Variants in EXD1 observed in about 807,000 individuals in gnomAD.
EXD1 encodes piRNA biogenesis protein EXD1.
A neutral mutation model predicts 49.1 loss-of-function variants in EXD1; 63 were observed. That is an observed-to-expected ratio of 1.28 (90% CI 1.05 to 1.58). The LOEUF (loss-of-function observed/expected upper bound fraction) is 1.58. Among genes scored for constraint, EXD1 ranks in the 40% most tolerant of loss-of-function variants. EXD1 has a pLI of 0.00. For missense variants in EXD1, 748 were observed against 666.0 expected (o/e 1.12, Z -1.36); for synonymous variants, 234 against 239.2 (o/e 0.98, Z 0.20).
At position 41,199,748 on chromosome 15, in the gene EXD1, T is replaced by G. The variant is rs375971408; in HGVS notation, c.535-3711A>C. Among the ~76,000 whole-genome samples, 10 of 10,836 alleles carry G rather than the reference T, an allele frequency of 9.2e-4. 2 individuals carry two copies. The highest frequency in any genetic ancestry group is 1.4e-3 in the Admixed American group (1 of 738). 7.1% of individuals were successfully genotyped at this position (10,836 alleles called of 152,430 possible). On this transcript the variant is annotated intron_variant, in intron 7 of 11. Transcript: ENST00000458580. ...TATATATGATATATATGTCATATAT[T>G]ATATATGATACATATATGATATATA...
rs1269283662 is a variant in EXD1, at chr15:41,184,179, G to C, written c.1471C>G (p.Pro491Ala). The change falls in exon 12 of 12, where the codon CCC becomes GCC. Residue 491 changes from proline (P) to alanine (A), a missense_variant. Coordinates refer to ENST00000458580, the MANE Select transcript of EXD1 (RefSeq NM_001286441.2). ...RITQKEHFMT[P>A]KHEFQASLSL... ...AAACTTGCCTGAAACTCATGTTTGGGTGTCATAAAGTGTTCTTTCTGAGTT... is the reference window on the plus strand; with the variant it reads ...AAACTTGCCTGAAACTCATGTTTGGCTGTCATAAAGTGTTCTTTCTGAGTT... 6.2e-7 allele frequency: 1 copy of C among 1,614,052 alleles called. No homozygotes were observed. The highest frequency in any genetic ancestry group is 2.2e-5 in the East Asian group (1 of 44,900).
intron 7 of EXD1, among the ~76,000 whole-genome samples, chr15:41,203,979 C>A (rs912949179): frequency 2.7e-4 from 39 of 142,144 alleles, no homozygotes; most frequent in African/African-American, 1.0e-3. Flanking sequence ...GGTGCGGTGG[C>A]TCACACCTGT....
At chr15:41,196,179 C>T in intron 7 of EXD1, 142 bp from the exon 8 acceptor site, 1 of 678,834 alleles carries the variant, frequency 1.5e-6, no homozygotes, top group Non-Finnish European at 2.4e-6. Context: ...CAAAGTTTCA[C>T]TCTGTTGCCC....
At chr15:41,224,366 T>C (rs770739917) in intron 2 of EXD1, among the ~76,000 whole-genome samples, 5 of 152,196 alleles carry the variant, frequency 3.3e-5, no homozygotes, top group Non-Finnish European at 2.9e-5. Flanking sequence ...CAGAAACCTG[T>C]TACAATCCCA....
Position 41,229,838 on chromosome 15 carries a change from C to T in EXD1, c.-54+641G>A, listed in dbSNP as rs761204966. 4.6e-5 allele frequency among the ~76,000 whole-genome samples: 7 copies of T among 152,134 alleles called. No homozygotes were observed. In the East Asian group the frequency reaches 5.8e-4, roughly 13 times the overall value. The stretch of plus-strand genomic sequence containing the variant: ...AACTAGAACCTCAGCTTGCAGGGAA[C>T]GTGTGGGGCCTCAGGCTAAGCTGTA... On this transcript the variant is annotated intron_variant, in intron 1 of 11. Coordinates refer to ENST00000458580, the MANE Select transcript of EXD1 (RefSeq NM_001286441.2).
At chr15:41,227,874 ACC>A (rs1235351772) in intron 1 of EXD1, among the ~76,000 whole-genome samples, 1 of 151,972 alleles carries the variant, frequency 6.6e-6, no homozygotes, top group African/African-American at 2.4e-5. Context: ...ACATGGTGAA[ACC>A]CCGTCTCTAC....
In EXD1 at chr15:41,189,935, A is replaced by G; in HGVS notation, c.1056+2T>C. The stretch of plus-strand genomic sequence containing the variant: ...GTCCTGAAGACAGAGAGCTGCACCT[A>G]CCTCAGTGCCTCCAAGCCGGTCTGC... On this transcript the variant is annotated splice_donor_variant, in intron 11 of 11. Transcript: ENST00000458580. LOFTEE classifies it high-confidence loss of function. The G allele has an allele frequency of 1.2e-6, 2 of 1,613,440 alleles. No individual in the cohort carries two copies. The highest frequency in any genetic ancestry group is 1.7e-6 in the Non-Finnish European group (2 of 1,179,628).
At position 41,184,023 on chromosome 15, in the gene EXD1, G is replaced by C. The variant is rs748056334; in HGVS notation, c.1627C>G (p.Pro543Ala). The part of the protein sequence containing the change: ...TRVSPSDTFY[P>A]IRKTVVSTLP... The stretch of plus-strand genomic sequence containing the variant: ...GTGGAAACCACAGTCTTTCTGATAG[G>C]ATAAAAAGTGTCACTTGGAGACACT... The change falls in exon 12 of 12, where the codon CCT becomes GCT. Residue 543 changes from proline to alanine, a missense_variant. Physicochemically the swap from Pro to Ala is conservative, Grantham distance 27 (BLOSUM62 -1). Transcript: ENST00000458580. 7 of 1,614,160 alleles carry C rather than the reference G, an allele frequency of 4.3e-6. No homozygotes were observed. The South Asian group carries it at 6.6e-5, about 15-fold the overall frequency.
chr15:41,206,870 G>T (rs113833062), intron 7 of EXD1, among the ~76,000 whole-genome samples: 37,314 of 134,418 alleles, frequency 0.28, 6,812 homozygotes, highest in African/African-American at 0.52. Flanking sequence ...TCTGCCCACC[G>T]TAGCCTCCCA....
At chr15:41,229,305 C>T (rs2047203563) in intron 1 of EXD1, among the ~76,000 whole-genome samples, 1 of 152,170 alleles carries the variant, frequency 6.6e-6, no homozygotes, top group Non-Finnish European at 1.5e-5. Flanking sequence ...TGGTGAAACC[C>T]TGTCTCTACT....
At chr15:41,220,591 G>T (rs2047073246) in intron 2 of EXD1, among the ~76,000 whole-genome samples, 1 of 151,942 alleles carries the variant, frequency 6.6e-6, no homozygotes, top group Non-Finnish European at 1.5e-5. Context: ...TCCACACCCT[G>T]CTTCATGTTA....
At chr15:41,201,034 C>T (rs1171818845) in intron 7 of EXD1, among the ~76,000 whole-genome samples, 6 of 151,858 alleles carry the variant, frequency 4.0e-5, no homozygotes, top group Admixed American at 6.6e-5. Flanking sequence ...CCACCACACC[C>T]GGCTAATTTT....
intron 2 of EXD1, among the ~76,000 whole-genome samples, chr15:41,225,548 G>C (rs1190196094): frequency 1.4e-5 from 2 of 146,380 alleles, no homozygotes; most frequent in Admixed American, 1.4e-4. Flanking sequence ...TCGCGCCACT[G>C]CACTCTAGCC....
chr15:41,226,194 G>A (rs2047162550), intron 2 of EXD1, among the ~76,000 whole-genome samples: 1 of 151,938 alleles, frequency 6.6e-6, no homozygotes, highest in African/African-American at 2.4e-5. Flanking sequence ...AGAGCTTGCA[G>A]TGAGCCATGA....
At chr15:41,193,309 A>G (rs1042036729) in intron 9 of EXD1, among the ~76,000 whole-genome samples, 3 of 152,218 alleles carry the variant, frequency 2.0e-5, no homozygotes, top group African/African-American at 4.8e-5. Flanking sequence ...AAGGAAGATA[A>G]AATTCAAGAA....
chr15:41,206,474 GAAAAAAAA>G (rs34195951), intron 7 of EXD1, among the ~76,000 whole-genome samples: 1 of 87,176 alleles, frequency 1.1e-5, no homozygotes, highest in Non-Finnish European at 2.6e-5. Flanking sequence ...ACCCTGTCTC[GAAAAAAAA>G]AAAAAAAAAA....
intron 2 of EXD1, among the ~76,000 whole-genome samples, chr15:41,224,284 T>C (rs2140907344): frequency 6.6e-6 from 1 of 152,170 alleles, no homozygotes; most frequent in East Asian, 1.9e-4. Flanking sequence ...TTTCTGTATG[T>C]GTCCGTGGTA....
intron 11 of EXD1, among the ~76,000 whole-genome samples, chr15:41,187,333 A>G (rs1313424089): frequency 6.6e-6 from 1 of 150,666 alleles, no homozygotes; most frequent in African/African-American, 2.4e-5. Context: ...CAGGTGAACC[A>G]CCCACCTTGG....
Position 41,230,498 on chromosome 15 carries a change from G to A in EXD1, c.-73C>T, listed in dbSNP as rs150926542. ...GCGGACCATAAGCTAGGAATTCACT[G>A]TCCTCCATCGTTAGGGCTTTTTCCT... On this transcript the variant is annotated 5_prime_UTR_variant, in exon 1 of 12. Transcript: ENST00000458580. 1.9e-6 allele frequency: 3 copies of A among 1,614,000 alleles called. No homozygotes were observed. Among genetic ancestry groups the A allele is most frequent in the African/African-American group, 2.7e-5 (2 of 74,948 alleles).
Sources: allele counts gnomAD v4.1 joint callset (sites outside exome capture counted in the v4.1 genomes callset), GRCh38; gene constraint gnomAD v4.1.1; transcripts MANE v1.5; gene names NCBI Gene and HGNC (gene_info 2026-07-23, HGNC 2026-07-21).